The following GPBP1 variants were observed in gnomAD, a reference collection of about 807,000 sequenced individuals.
The protein encoded by GPBP1 is GC-rich promoter binding protein 1.
GPBP1 carries 13 observed loss-of-function variants against 56.5 expected under a neutral mutation model. That is an observed-to-expected ratio of 0.23 (90% CI 0.15 to 0.37). The LOEUF is 0.37. Ranked by LOEUF, GPBP1 falls within the 10% of genes least tolerant of loss-of-function variation. GPBP1 has a pLI of 1.00. For synonymous variants in GPBP1, 204 were observed against 188.9 expected, an observed-to-expected ratio of 1.08 and a Z score of -0.66; for missense variants, 477 against 572.3, an observed-to-expected ratio of 0.83 and a Z score of 1.70.
At chr5:57,237,463 T>C (rs1430202393) in intron 6 of GPBP1, 10 of 330,448 alleles carry the variant, frequency 3.0e-5, no homozygotes, top group Non-Finnish European at 5.7e-5. Context: ...ATTTTGGTTC[T>C]ACTGTTTCAG....
chr5:57,181,817 T>C (rs978732967), intron 2 of GPBP1, among the ~76,000 whole-genome samples: 2 of 152,208 alleles, frequency 1.3e-5, no homozygotes, highest in Admixed American at 6.5e-5. Context: ...AACAGAAATG[T>C]TGAAAAACAA....
Position 57,262,461 on chromosome 5 carries a change from A to AT in GPBP1, c.1264-127dup, listed in dbSNP as rs201901899. The stretch of plus-strand genomic sequence containing the variant: ...CACATCTACTTTGTCTGGATCCAGA[A>AT]TTTTTTCAGAAATATCATTACTTGT... On this transcript the variant is annotated intron_variant, in intron 11 of 11. Coordinates refer to ENST00000506184, the MANE Select transcript of GPBP1 (RefSeq NM_022913.4). 2,554 of 683,832 alleles carry AT rather than the reference A, an allele frequency of 3.7e-3. 29 individuals carry two copies. Among genetic ancestry groups the AT allele is most frequent in the East Asian group, 0.035 (1,269 of 36,388 alleles). 42.4% of individuals were successfully genotyped at this position (683,832 alleles called of 1,614,324 possible). A position where few individuals can be genotyped will look rare whatever the true frequency, so the allele number is the denominator to read the frequency against.
intron 8 of GPBP1, 32 bp from the exon 9 acceptor site, chr5:57,249,377 A>G (rs1239857313): frequency 5.3e-6 from 8 of 1,522,912 alleles, no homozygotes; most frequent in South Asian, 2.5e-5. Flanking sequence ...CCTTGGCTAC[A>G]TATTTATCAG....
chr5:57,184,610 A>G (rs1754204992), intron 2 of GPBP1, among the ~76,000 whole-genome samples: 1 of 152,168 alleles, frequency 6.6e-6, no homozygotes, highest in Admixed American at 6.6e-5. Flanking sequence ...AACACCTGGC[A>G]CTAGGTGCCG....
chr5:57,193,951 C>G (rs1270714928), intron 2 of GPBP1, among the ~76,000 whole-genome samples: 1 of 152,130 alleles, frequency 6.6e-6, no homozygotes, highest in African/African-American at 2.4e-5. Flanking sequence ...TAGCAGTTCC[C>G]CTCTGCGGAA....
intron 2 of GPBP1, among the ~76,000 whole-genome samples, chr5:57,210,989 C>T (rs1755452053): frequency 6.6e-6 from 1 of 152,070 alleles, no homozygotes; most frequent in Admixed American, 6.5e-5. Flanking sequence ...CTTCAACATA[C>T]AAATCTTGTT....
intron 3 of GPBP1, among the ~76,000 whole-genome samples, chr5:57,220,490 C>T (rs182816850): frequency 2.0e-4 from 29 of 146,916 alleles, no homozygotes; most frequent in Admixed American, 1.5e-3. Context: ...GATGGAGTCT[C>T]GCTCTGTCGC....
chr5:57,235,571 C>T (rs1756628174), intron 5 of GPBP1, among the ~76,000 whole-genome samples: 1 of 152,164 alleles, frequency 6.6e-6, no homozygotes, highest in Non-Finnish European at 1.5e-5. Context: ...CTCTGACCAG[C>T]AATTAGTATA....
At chr5:57,249,801 G>A (rs1369416158) in intron 9 of GPBP1, among the ~76,000 whole-genome samples, 4 of 24,038 alleles carry the variant, frequency 1.7e-4, no homozygotes, top group African/African-American at 7.0e-4. Context: ...CCCCCTCCCC[G>A]TCCTTCCCCC....
chr5:57,216,003 C>T (rs867513601), intron 3 of GPBP1, among the ~76,000 whole-genome samples: 3 of 152,154 alleles, frequency 2.0e-5, no homozygotes, highest in Non-Finnish European at 4.4e-5. Context: ...CATTACTCCA[C>T]GCGCTAGGTG....
Position 57,249,560 on chromosome 5 carries a change from G to A in GPBP1, c.956G>A (p.Arg319His), listed in dbSNP as rs149343603. 1.4e-5 allele frequency: 22 copies of A among 1,602,134 alleles called. No homozygotes were observed. The highest frequency in any genetic ancestry group is 1.2e-4 in the African/African-American group (9 of 74,322). Reference protein sequence around the residue: ...RVEEEHEDESRAGSEKDDDSF... With the variant: ...RVEEEHEDESHAGSEKDDDSF... ...GAAGAGGAACATGAAGATGAAAGCCGTGCTGGCTCAGAGAAGGTAATTGAA... is the reference window on the plus strand; with the variant it reads ...GAAGAGGAACATGAAGATGAAAGCCATGCTGGCTCAGAGAAGGTAATTGAA... Residue 319 changes from arginine to histidine, a missense_variant, in exon 9 of 12, where the codon CGT becomes CAT. Around this residue, in one of 2 missense-constraint regions of GPBP1, gnomAD observed 414 missense variants for 458.2 expected, o/e 0.90. Coordinates refer to ENST00000506184, the MANE Select transcript of GPBP1 (RefSeq NM_022913.4).
intron 2 of GPBP1, among the ~76,000 whole-genome samples, chr5:57,204,501 C>A (rs190661253): frequency 5.9e-5 from 9 of 152,280 alleles, no homozygotes; most frequent in African/African-American, 2.2e-4. Context: ...ATACCCCGAC[C>A]TGGGCCTCCC....
intron 10 of GPBP1, among the ~76,000 whole-genome samples, chr5:57,258,228 G>T (rs1741745553): frequency 2.0e-5 from 3 of 152,168 alleles, no homozygotes; most frequent in African/African-American, 7.2e-5. Context: ...GCAAAGTACA[G>T]ATAAGGGTTA....
At chr5:57,235,135 C>T (rs1005487011) in intron 5 of GPBP1, among the ~76,000 whole-genome samples, 5 of 151,994 alleles carry the variant, frequency 3.3e-5, no homozygotes, top group South Asian at 2.1e-4. Context: ...GGTGAAACTC[C>T]GTCTGTACTA....
chr5:57,202,707 A>G (rs1433941285), intron 2 of GPBP1, among the ~76,000 whole-genome samples: 1 of 152,244 alleles, frequency 6.6e-6, no homozygotes, highest in African/African-American at 2.4e-5. Context: ...TGAGGCAGCA[A>G]CATTGCATTA....
intron 10 of GPBP1, among the ~76,000 whole-genome samples, chr5:57,251,766 A>G (rs1014969935): frequency 4.6e-5 from 7 of 152,104 alleles, no homozygotes; most frequent in Non-Finnish European, 7.4e-5. Context: ...CTGACAAACT[A>G]TTTTCCAAAA....
chr5:57,262,676 G>C lies in GPBP1; in HGVS notation c.1346G>C (p.Ser449Thr). The change falls in exon 12 of 12, where the codon AGC becomes ACC. Residue 449 changes from serine (S) to threonine (T), a missense_variant. By Grantham distance (58) the Ser-to-Thr change is moderately conservative (BLOSUM62 1). Around this residue, in one of 2 missense-constraint regions of GPBP1, gnomAD observed 63 missense variants for 114.0 expected, o/e 0.55. Coordinates refer to ENST00000506184, the MANE Select transcript of GPBP1 (RefSeq NM_022913.4). Reference protein sequence around the residue: ...CDFKFGPWKNSTFKPTTENDD... With the variant: ...CDFKFGPWKNTTFKPTTENDD... ...TTCAAGTTTGGACCGTGGAAGAACA[G>C]CACTTTCAAACCCACAACTGAGAAT... The C allele has an allele frequency of 6.2e-7, 1 of 1,613,600 alleles. No individual in the cohort carries two copies. Among genetic ancestry groups the C allele is most frequent in the Non-Finnish European group, 8.5e-7 (1 of 1,179,580 alleles).
At chr5:57,218,836 T>C (rs1309220387) in intron 3 of GPBP1, among the ~76,000 whole-genome samples, 6 of 152,320 alleles carry the variant, frequency 3.9e-5, no homozygotes, top group Non-Finnish European at 5.9e-5. Flanking sequence ...ATTTTGGCCA[T>C]ATGTGTTGAA....
intron 3 of GPBP1, among the ~76,000 whole-genome samples, chr5:57,214,445 C>T (rs994610723): frequency 2.0e-5 from 3 of 151,888 alleles, no homozygotes; most frequent in African/African-American, 4.8e-5. Flanking sequence ...ATTAGCCAGG[C>T]GTGGTGGTGC....
Sources: gnomAD v4.1 joint callset for allele counts (sites outside exome capture counted in the v4.1 genomes callset) on GRCh38, gnomAD v4.1.1 for gene constraint, gnomAD v4.1.1 regional missense constraint, MANE v1.5 for transcripts, NCBI Gene and HGNC (gene_info 2026-07-23, HGNC 2026-07-21) for gene names.